Variants in LRRC43 observed in about 807,000 individuals in gnomAD.
LRRC43 encodes leucine-rich repeat-containing protein 43.
In LRRC43, 62 loss-of-function variants were observed where a neutral mutation model predicts 64.3. The ratio of observed to expected loss-of-function variants is 0.96; its 90% CI spans 0.79 to 1.19. LRRC43 has a LOEUF of 1.19. Ranked by LOEUF, LRRC43 falls within the 50% of genes most tolerant of loss-of-function variation. The pLI is 0.00. For synonymous variants in LRRC43, 422 were observed against 382.3 expected, an observed-to-expected ratio of 1.10 and a Z score of -1.21; for missense variants, 868 against 845.0, an observed-to-expected ratio of 1.03 and a Z score of -0.34.
chr12:122,172,145 C>T (rs1953490598), intron 1 of LRRC43: 1 of 346,852 alleles, frequency 2.9e-6, no homozygotes, highest in South Asian at 4.1e-5. Context: ...ACCTCCCACC[C>T]TCACGAGGGT....
intron 7 of LRRC43, among the ~76,000 whole-genome samples, chr12:122,195,262 T>G (rs1406718681): frequency 6.6e-6 from 1 of 152,100 alleles, no homozygotes; most frequent in East Asian, 1.9e-4. Flanking sequence ...CATTTTTTTT[T>G]TTTTGAGAGG....
At chr12:122,202,916 A>AC (rs1273686534) in intron 11 of LRRC43, among the ~76,000 whole-genome samples, 3 of 151,920 alleles carry the variant, frequency 2.0e-5, no homozygotes, top group Non-Finnish European at 2.9e-5. Flanking sequence ...ACATGGTGAA[A>AC]CCCCGTCTCT....
chr12:122,187,824 G>C lies in LRRC43; in HGVS notation c.646G>C (p.Val216Leu). The C allele has an allele frequency of 6.2e-7, 1 of 1,614,034 alleles. No homozygotes were observed. The highest frequency in any genetic ancestry group is 8.5e-7 in the Non-Finnish European group (1 of 1,179,970). ...KLLGPLESLYVTANHWPNLVS... is the reference protein window; with the variant it reads ...KLLGPLESLYLTANHWPNLVS... ...TCTAGGCCCCTTGGAAAGTCTCTAC[G>C]TCACCGCTAATCACTGGTAACTCGG... is the stretch of plus-strand genomic sequence containing the variant. The change falls in exon 4 of 12, where the codon GTC (valine) becomes CTC (leucine). Residue 216 changes from valine to leucine, a missense_variant. Coordinates refer to ENST00000339777, the MANE Select transcript of LRRC43 (RefSeq NM_001098519.2).
rs374952990 is a variant in LRRC43 at position 122,197,690 on chromosome 12, A to G, written c.1350-2499A>G. On this transcript the variant is annotated intron_variant, in intron 7 of 11. Transcript: ENST00000339777. ...GCAAGAGATAGGGCTGCAGAGAGACAGAGAAAAAGACCCTTTCTCCCAAGG... is the reference window on the plus strand; with the variant it reads ...GCAAGAGATAGGGCTGCAGAGAGACGGAGAAAAAGACCCTTTCTCCCAAGG... 1.9e-4 allele frequency among the ~76,000 whole-genome samples: 29 copies of G among 152,264 alleles called. No homozygotes were observed. In the South Asian group the frequency reaches 5.6e-3, roughly 29 times the overall value.
At position 122,200,801 on chromosome 12, in the gene LRRC43, C is replaced by T. The variant is rs1203956985; in HGVS notation, c.1676C>T (p.Pro559Leu). 1.9e-6 allele frequency: 3 copies of T among 1,613,038 alleles called. No homozygotes were observed. Among genetic ancestry groups the T allele is most frequent in the Non-Finnish European group, 2.5e-6 (3 of 1,180,022 alleles). The change falls in exon 10 of 12, where the codon CCC becomes CTC. Residue 559 changes from proline (P) to leucine (L), a missense_variant. Pro to Leu is a moderately conservative substitution (Grantham distance 98). Transcript: ENST00000339777. This position sits in a 1 kb window ranked among gnomAD's most constrained non-coding sequence, Gnocchi z 4.6. ...CCGCCCAAGGAGCTCCGGCAGGACCCCCCCATCCTCCAGGTGCTGGGCCGG... is the reference window on the plus strand; with the variant it reads ...CCGCCCAAGGAGCTCCGGCAGGACCTCCCCATCCTCCAGGTGCTGGGCCGG... The part of the protein sequence containing the change: ...KEPPKELRQD[P>L]PILQVLGRGL...
In LRRC43 at chr12:122,172,218, A is replaced by G. The variant is rs1428633173; in HGVS notation, c.-406+4436A>G. 1.1e-5 allele frequency: 6 copies of G among 551,072 alleles called. No homozygotes were observed. The East Asian group carries it at 1.2e-4, about 11-fold the overall frequency. 34.1% of individuals were successfully genotyped at this position (551,072 alleles called of 1,614,324 possible). Reference sequence around the variant, plus strand: ...TCCATAAATACCAAGACTAATAACAATAACCTAATGTTTTTCAAGGTAATT... The same window carrying G: ...TCCATAAATACCAAGACTAATAACAGTAACCTAATGTTTTTCAAGGTAATT... On this transcript the variant is annotated intron_variant, in intron 1 of 5. Coordinates refer to the LRRC43 transcript ENST00000537729.
chr12:122,189,111 T>G (rs1274217943), intron 4 of LRRC43, among the ~76,000 whole-genome samples: 2 of 152,010 alleles, frequency 1.3e-5, no homozygotes, highest in Admixed American at 6.6e-5. Context: ...GGTAGAAAAC[T>G]TAACATCCTG....
chr12:122,169,027 C>G (rs1953462586), intron 1 of LRRC43, among the ~76,000 whole-genome samples: 1 of 152,164 alleles, frequency 6.6e-6, no homozygotes, highest in Admixed American at 6.5e-5. Flanking sequence ...GAGGTACCTT[C>G]TCATTGTGTC....
Position 122,200,092 on chromosome 12 carries a change from C to G in LRRC43, c.1350-97C>G, listed in dbSNP as rs535794230. 7.4e-7 allele frequency: 1 copy of G among 1,343,500 alleles called. No homozygotes were observed. Among genetic ancestry groups the G allele is most frequent in the Admixed American group, 2.1e-5 (1 of 46,808 alleles). 83.2% of individuals were successfully genotyped at this position (1,343,500 alleles called of 1,614,324 possible). On this transcript the variant is annotated intron_variant, in intron 7 of 11. Transcript: ENST00000339777. This position sits in a 1 kb window ranked among gnomAD's most constrained non-coding sequence, Gnocchi z 4.6. ...CATGCTGTTTGTGGGCTTCGATGCTCGTGGTCTCCTCGGATGTCCCCTCAC... is the reference window on the plus strand; with the variant it reads ...CATGCTGTTTGTGGGCTTCGATGCTGGTGGTCTCCTCGGATGTCCCCTCAC...
chr12:122,193,381 TAAAAAAAAA>T (rs34910328), intron 7 of LRRC43, among the ~76,000 whole-genome samples: 24 of 47,182 alleles, frequency 5.1e-4, no homozygotes, highest in South Asian at 1.3e-3. Flanking sequence ...CTCCGTCTCA[TAAAAAAAAA>T]AAAAAAAAAA....
rs773930040 is a variant in LRRC43 at position 122,200,178 on chromosome 12, C to T, written c.1350-11C>T. 4.3e-6 allele frequency: 7 copies of T among 1,611,282 alleles called. No homozygotes were observed. Among genetic ancestry groups the T allele is most frequent in the African/African-American group, 1.3e-5 (1 of 74,942 alleles). On this transcript the variant is annotated splice_polypyrimidine_tract_variant and intron_variant, in intron 7 of 11. Transcript: ENST00000339777. The surrounding 1 kb of genome is among the most constrained non-coding windows in gnomAD (Gnocchi z 4.6). ...TGACGGCACCCCCGTCTTCATCCCTCCCTCCCCAAGGACTGTCCTCTTCAG... is the reference window on the plus strand; with the variant it reads ...TGACGGCACCCCCGTCTTCATCCCTTCCTCCCCAAGGACTGTCCTCTTCAG...
intron 7 of LRRC43, among the ~76,000 whole-genome samples, chr12:122,196,669 C>G (rs1017311413): frequency 2.0e-5 from 3 of 151,608 alleles, no homozygotes; most frequent in Non-Finnish European, 4.4e-5. Flanking sequence ...CTCAGGAGGC[C>G]GAGGCAGAAG....
intron 5 of LRRC43, 74 bp downstream of exon 5, chr12:122,190,442 T>A: frequency 8.3e-7 from 1 of 1,209,870 alleles, no homozygotes; most frequent in Non-Finnish European, 1.2e-6. Flanking sequence ...CCCGCCCTCC[T>A]GGGTCCGTGT....
At position 122,169,083 on chromosome 12, in the gene LRRC43, G is replaced by A. The variant is rs73219881; in HGVS notation, c.-406+1301G>A. Among the ~76,000 whole-genome samples, 118 of 152,278 alleles carry A rather than the reference G, an allele frequency of 7.7e-4. No individual in the cohort carries two copies. The Middle Eastern group carries it at 0.01, about 13-fold the overall frequency. ...CCAAGCGTGGGCTCACTGGCCAGAG[G>A]TGGTGTCTGAGATGCATCTCCCCTG... On this transcript the variant is annotated intron_variant, in intron 1 of 5. Coordinates refer to the LRRC43 transcript ENST00000537729.
intron 1 of LRRC43, chr12:122,172,354 G>A (rs1051920565): frequency 3.2e-6 from 4 of 1,237,628 alleles, no homozygotes; most frequent in Admixed American, 4.0e-5. Context: ...ACACTTAGCT[G>A]TCGGTCATCT....
chr12:122,171,692 G>A (rs1953486540), intron 1 of LRRC43, among the ~76,000 whole-genome samples: 1 of 151,768 alleles, frequency 6.6e-6, no homozygotes, highest in Non-Finnish European at 1.5e-5. Context: ...ATTTCCAGAC[G>A]AAACTAGCCA....
intron 1 of LRRC43, chr12:122,174,257 C>T (rs1428039413): frequency 3.3e-6 from 5 of 1,512,416 alleles, no homozygotes; most frequent in Non-Finnish European, 2.7e-6. Flanking sequence ...TATAAAGGGC[C>T]AGGGTGAGGA....
chr12:122,169,196 C>T (rs1371089808), intron 1 of LRRC43, among the ~76,000 whole-genome samples: 1 of 152,136 alleles, frequency 6.6e-6, no homozygotes, highest in Admixed American at 6.5e-5. Context: ...AAGTTAAGCC[C>T]CACCTCCTGG....
At chr12:122,176,349 C>T (rs558271344) in intron 1 of LRRC43, among the ~76,000 whole-genome samples, 13 of 152,118 alleles carry the variant, frequency 8.5e-5, no homozygotes, top group Admixed American at 5.2e-4. Context: ...GCCACAGTGA[C>T]GCGAGAGGAC....
Sources: gnomAD v4.1 joint callset for allele counts (sites outside exome capture counted in the v4.1 genomes callset) on GRCh38, gnomAD v4.1.1 for gene constraint, Gnocchi (gnomAD v3.1) non-coding constraint, MANE v1.5 for transcripts, NCBI Gene and HGNC (gene_info 2026-07-23, HGNC 2026-07-21) for gene names.